Variants in GRB10 observed in about 807,000 individuals in gnomAD.
GRB10 encodes growth factor receptor-bound protein 10.
Under a neutral mutation model 80.9 loss-of-function variants are expected in GRB10, and 20 were observed. That is an observed-to-expected ratio of 0.25 (90% CI 0.17 to 0.36). The LOEUF is 0.36. Ranked by LOEUF, GRB10 falls within the 10% of genes least tolerant of loss-of-function variation. The pLI is 1.00. For missense variants in GRB10, 548 were observed against 747.7 expected (o/e 0.73, Z 3.12); for synonymous variants, 291 against 291.5 (o/e 1.00, Z 0.02).
At chr7:50,726,218 C>T (rs1169444153) in intron 4 of GRB10, among the ~76,000 whole-genome samples, 7 of 152,002 alleles carry the variant, frequency 4.6e-5, no homozygotes, top group African/African-American at 1.2e-4. Flanking sequence ...GCCAACATGG[C>T]GAAACCCCAT....
At chr7:50,713,669 C>CTTGT (rs1413088058) in intron 4 of GRB10, among the ~76,000 whole-genome samples, 120 of 136,728 alleles carry the variant, frequency 8.8e-4, no homozygotes, top group African/African-American at 2.2e-3. Flanking sequence ...TCCTCCACCA[C>CTTGT]CACCTCCACC....
intron 3 of GRB10, among the ~76,000 whole-genome samples, chr7:50,753,283 C>T (rs1266299806): frequency 6.6e-6 from 1 of 152,216 alleles, no homozygotes; most frequent in East Asian, 1.9e-4. Flanking sequence ...GGGGATTGGG[C>T]TTCAACTGTT....
At chr7:50,746,273 C>G (rs1024532) in intron 3 of GRB10, among the ~76,000 whole-genome samples, 1 of 152,046 alleles carries the variant, frequency 6.6e-6, no homozygotes, top group African/African-American at 2.4e-5. Context: ...TCACACCATC[C>G]AAAAGCCAAA....
chr7:50,775,567 C>T (rs1409094683), intron 2 of GRB10, among the ~76,000 whole-genome samples: 3 of 152,200 alleles, frequency 2.0e-5, no homozygotes, highest in Non-Finnish European at 4.4e-5. Context: ...CTAGTGTGCC[C>T]CCAGCCTCAA....
At position 50,592,720 on chromosome 7, in the gene GRB10, T is replaced by C. The variant is rs1473325865; in HGVS notation, c.*232A>G. On this transcript the variant is annotated 3_prime_UTR_variant, in exon 19 of 19. Coordinates refer to ENST00000401949, the MANE Select transcript of GRB10 (RefSeq NM_001350814.2). The stretch of plus-strand genomic sequence containing the variant: ...TTTCAACTTTCCGCTGGATCTTCCA[T>C]GCCCTCCCCAATTTGGCCGATGCAG... 3 of 572,334 alleles carry C rather than the reference T, an allele frequency of 5.2e-6. No homozygotes were observed. The highest frequency in any genetic ancestry group is 2.0e-5 in the South Asian group (1 of 50,382). 35.5% of individuals were successfully genotyped at this position (572,334 alleles called of 1,614,324 possible). A position where few individuals can be genotyped will look rare whatever the true frequency, so the allele number is the denominator to read the frequency against.
chr7:50,610,226 C>T (rs948608194), intron 13 of GRB10, among the ~76,000 whole-genome samples: 10 of 152,168 alleles, frequency 6.6e-5, no homozygotes, highest in African/African-American at 2.2e-4. Flanking sequence ...CCCCACTGTC[C>T]CTAACTCTAT....
chr7:50,673,283 C>T (rs779951228), intron 6 of GRB10, among the ~76,000 whole-genome samples: 4 of 152,146 alleles, frequency 2.6e-5, no homozygotes, highest in Non-Finnish European at 5.9e-5. Context: ...CAGAGAGGCA[C>T]GCAGGGTCCC....
chr7:50,592,620 A>C lies in GRB10; in HGVS notation c.*332T>G. The C allele has an allele frequency of 2.6e-6, 1 of 392,024 alleles. No individual in the cohort carries two copies. The highest frequency in any genetic ancestry group is 4.8e-6 in the Non-Finnish European group (1 of 209,846). The allele number at this position is 392,024 out of a possible 1,614,324, so 24.3% of individuals were successfully genotyped here. A position where few individuals can be genotyped will look rare whatever the true frequency, so the allele number is the denominator to read the frequency against. On this transcript the variant is annotated 3_prime_UTR_variant, in exon 19 of 19. Transcript: ENST00000401949. ...TAATTGTCAAGATTATTCCAGGGCA[A>C]GAGTTCATTTCCAATCACTTCTCTC... is the stretch of plus-strand genomic sequence containing the variant.
rs1229721079 is a variant in GRB10 at position 50,755,987 on chromosome 7, G to GGTCACTGAGCTACCA, written c.-162_-148dup. ...CCTGGCTGCCGGTCACTGGGCTGCT[G>GGTCACTGAGCTACCA]GTCACTGAGCTACCAGTCACTGGGC... On this transcript the variant is annotated 5_prime_UTR_variant, in exon 3 of 19. Transcript: ENST00000401949. 1.5e-5 allele frequency: 6 copies of GGTCACTGAGCTACCA among 398,774 alleles called. No individual in the cohort carries two copies. The highest frequency in any genetic ancestry group is 1.3e-4 in the South Asian group (1 of 7,868). The allele number at this position is 398,774 out of a possible 1,614,324, so 24.7% of individuals were successfully genotyped here. A position where few individuals can be genotyped will look rare whatever the true frequency, so the allele number is the denominator to read the frequency against.
intron 7 of GRB10, among the ~76,000 whole-genome samples, chr7:50,627,757 C>T (rs1230547689): frequency 6.6e-6 from 1 of 152,224 alleles, no homozygotes; most frequent in Non-Finnish European, 1.5e-5. Context: ...TTAACAAATC[C>T]TTACCTCGAC....
At chr7:50,719,564 C>T (rs547798936) in intron 4 of GRB10, among the ~76,000 whole-genome samples, 7 of 151,980 alleles carry the variant, frequency 4.6e-5, no homozygotes, top group Admixed American at 3.3e-4. Flanking sequence ...AGGACAAATA[C>T]CTAATGCATG....
intron 17 of GRB10, among the ~76,000 whole-genome samples, chr7:50,599,588 C>T (rs569472800): frequency 1.3e-5 from 2 of 152,310 alleles, no homozygotes; most frequent in South Asian, 4.1e-4. Context: ...GAAATGACAG[C>T]CTTGGAGACG....
chr7:50,783,993 G>A (rs150553422), upstream of GRB10, among the ~76,000 whole-genome samples: 4 of 152,262 alleles, frequency 2.6e-5, no homozygotes, highest in Admixed American at 2.0e-4. Context: ...TGTTTAAGTC[G>A]ATCAAACAAA....
intron 5 of GRB10, among the ~76,000 whole-genome samples, chr7:50,678,474 T>A (rs1189886224): frequency 1.3e-5 from 2 of 152,214 alleles, no homozygotes; most frequent in African/African-American, 4.8e-5. Context: ...AAATTTTAAA[T>A]GCCATACTTT....
At chr7:50,648,510 A>C (rs2057554694) in intron 7 of GRB10, among the ~76,000 whole-genome samples, 1 of 152,246 alleles carries the variant, frequency 6.6e-6, no homozygotes, top group South Asian at 2.1e-4. Flanking sequence ...AAAGGAAGGC[A>C]GAGCCTCGAC....
intron 7 of GRB10, among the ~76,000 whole-genome samples, chr7:50,652,989 A>G (rs745554943): frequency 2.6e-5 from 4 of 152,238 alleles, no homozygotes; most frequent in African/African-American, 4.8e-5. Flanking sequence ...GGTACCTACT[A>G]GAATCTTACT....
At chr7:50,621,451 T>C (rs2051723633) in intron 8 of GRB10, among the ~76,000 whole-genome samples, 1 of 152,160 alleles carries the variant, frequency 6.6e-6, no homozygotes, top group Non-Finnish European at 1.5e-5. Context: ...TCAACTCCCT[T>C]TTCGTCACTC....
intron 5 of GRB10, among the ~76,000 whole-genome samples, chr7:50,699,117 A>T (rs1039582873): frequency 1.3e-5 from 2 of 152,206 alleles, no homozygotes; most frequent in Admixed American, 6.5e-5. Context: ...TCCATTTTAC[A>T]TGTTGATCTC....
At position 50,713,535 on chromosome 7, in the gene GRB10, CTCT is replaced by C. The variant is rs2066256837; in HGVS notation, c.52-9630_52-9628del. Among the ~76,000 whole-genome samples the C allele has an allele frequency of 2.6e-5, 4 of 151,228 alleles. No individual in the cohort carries two copies. The South Asian group carries it at 8.4e-4, about 32-fold the overall frequency. On this transcript the variant is annotated intron_variant, in intron 4 of 18. Coordinates refer to ENST00000401949, the MANE Select transcript of GRB10 (RefSeq NM_001350814.2). ...CTATCTCCACCATCACCTCCACCTC[CTCT>C]GCTACCTCTATCACCTCCACCTCCT...
Sources: gnomAD v4.1 joint callset for allele counts (sites outside exome capture counted in the v4.1 genomes callset) on GRCh38, gnomAD v4.1.1 for gene constraint, MANE v1.5 for transcripts, NCBI Gene and HGNC (gene_info 2026-07-23, HGNC 2026-07-21) for gene names.